Variants in GPC5 observed in about 807,000 individuals in gnomAD.
GPC5 encodes glypican 5.
In GPC5, 47 loss-of-function variants were observed where a neutral mutation model predicts 53.9. The observed-to-expected ratio is 0.87, with a 90% confidence interval of 0.69 to 1.11. GPC5 has a LOEUF of 1.11. Among genes scored for constraint, GPC5 ranks in the 50% most tolerant of loss-of-function variants. GPC5 has a pLI of 0.00. For missense variants in GPC5, 748 were observed against 713.1 expected (o/e 1.05, Z -0.56); for synonymous variants, 286 against 263.3 (o/e 1.09, Z -0.84).
intron 2 of GPC5, among the ~76,000 whole-genome samples, chr13:91,505,303 AAAAG>A (rs1318469189): frequency 2.0e-5 from 3 of 152,220 alleles, no homozygotes; most frequent in Non-Finnish European, 4.4e-5. Context: ...AAGAGAGAAA[AAAAG>A]AAAGACTCCA....
chr13:91,805,121 G>A (rs2038199801), intron 5 of GPC5, among the ~76,000 whole-genome samples: 1 of 152,136 alleles, frequency 6.6e-6, no homozygotes, highest in Non-Finnish European at 1.5e-5. Context: ...AACAATGACA[G>A]GATGGAGAGA....
At chr13:92,748,690 G>A (rs1015207992) in intron 7 of GPC5, among the ~76,000 whole-genome samples, 3 of 151,742 alleles carry the variant, frequency 2.0e-5, no homozygotes, top group Non-Finnish European at 4.4e-5. Flanking sequence ...GTTGTTTTTT[G>A]TTTAAAATAT....
chr13:92,472,963 A>G (rs535203965), intron 7 of GPC5, among the ~76,000 whole-genome samples: 41 of 152,122 alleles, frequency 2.7e-4, no homozygotes, highest in Non-Finnish European at 5.1e-4. Context: ...TGATACCTAG[A>G]TAATTCTGTT....
intron 7 of GPC5, among the ~76,000 whole-genome samples, chr13:92,794,751 G>A (rs1028952963): frequency 1.3e-5 from 2 of 152,068 alleles, no homozygotes; most frequent in Non-Finnish European, 2.9e-5. Context: ...CAGATAAACA[G>A]AGAACCAAAT....
intron 7 of GPC5, among the ~76,000 whole-genome samples, chr13:92,839,750 C>G (rs942441272): frequency 5.3e-5 from 8 of 151,960 alleles, no homozygotes; most frequent in African/African-American, 1.9e-4. Context: ...GCTAGCTAGA[C>G]TAATGAAGAA....
chr13:91,547,644 C>G (rs560693633), intron 2 of GPC5, among the ~76,000 whole-genome samples: 1 of 152,034 alleles, frequency 6.6e-6, no homozygotes, highest in Non-Finnish European at 1.5e-5. Context: ...TTCTATGAGG[C>G]TAGCTAGCAT....
intron 7 of GPC5, among the ~76,000 whole-genome samples, chr13:92,661,389 G>A (rs528835887): frequency 3.3e-5 from 5 of 151,136 alleles, no homozygotes; most frequent in African/African-American, 1.2e-4. Context: ...TCAACACTCA[G>A]TGTATAAATT....
At position 91,904,145 on chromosome 13, in the gene GPC5, T is replaced by TC. The variant is rs1279359318; in HGVS notation, c.1281-3792_1281-3791insC. On this transcript the variant is annotated intron_variant, in intron 5 of 7. Transcript: ENST00000377067. ...AGTTTTACTTTCTTTTCTTTCTTTT[T>TC]TTTTTTTTTTTTTTTTAAGGCAGGT... Among the ~76,000 whole-genome samples the TC allele has an allele frequency of 2.1e-5, 3 of 144,608 alleles. No homozygotes were observed. The South Asian group carries it at 6.6e-4, about 32-fold the overall frequency. The allele number at this position is 144,608 out of a possible 152,430, so 94.9% of individuals were successfully genotyped here. A position where few individuals can be genotyped will look rare whatever the true frequency, so the allele number is the denominator to read the frequency against.
intron 1 of GPC5, among the ~76,000 whole-genome samples, chr13:91,418,181 A>ATGAATGGT (rs1372187195): frequency 1.4e-4 from 22 of 152,236 alleles, no homozygotes; most frequent in African/African-American, 5.1e-4. Flanking sequence ...GTTTAGTACT[A>ATGAATGGT]TGAATGGTTT....
intron 7 of GPC5, among the ~76,000 whole-genome samples, chr13:92,367,102 T>C (rs61973562): frequency 0.011 from 1,605 of 152,198 alleles, 14 homozygotes; most frequent in Middle Eastern, 0.027. Context: ...TCTGCACTAG[T>C]AAGGCACACC....
chr13:91,498,239 A>ATTTTTTTTTT (rs60732957), intron 2 of GPC5, among the ~76,000 whole-genome samples: 2 of 110,234 alleles, frequency 1.8e-5, no homozygotes, highest in Admixed American at 1.0e-4. Context: ...CTACCCAAAG[A>ATTTTTTTTTT]TTTTTTTTTT....
At chr13:91,936,977 A>G (rs1320467679) in intron 6 of GPC5, among the ~76,000 whole-genome samples, 1 of 152,042 alleles carries the variant, frequency 6.6e-6, no homozygotes, top group Non-Finnish European at 1.5e-5. Flanking sequence ...CTTATCTCAT[A>G]TGCACAGTGG....
Position 92,023,694 on chromosome 13 carries a change from ACTCTCTCT to A in GPC5, c.1401+115644_1401+115651del, listed in dbSNP as rs5805724. Among the ~76,000 whole-genome samples, 440 of 147,908 alleles carry A rather than the reference ACTCTCTCT, an allele frequency of 3.0e-3. 5 individuals are homozygous for A. The Middle Eastern group carries it at 0.034, about 12-fold the overall frequency. On this transcript the variant is annotated intron_variant, in intron 6 of 7. Coordinates refer to ENST00000377067, the MANE Select transcript of GPC5 (RefSeq NM_004466.6). ...CACACACACACACACACACACACAC[ACTCTCTCT>A]CTCTCTTATAAATTTATTTTAGTCA...
chr13:92,700,833 C>CA (rs1043688495), intron 7 of GPC5, among the ~76,000 whole-genome samples: 3 of 151,854 alleles, frequency 2.0e-5, no homozygotes, highest in Non-Finnish European at 4.4e-5. Flanking sequence ...CTGATACATA[C>CA]AAAAAAGGGA....
At chr13:92,583,080 A>G (rs971527081) in intron 7 of GPC5, among the ~76,000 whole-genome samples, 1 of 152,220 alleles carries the variant, frequency 6.6e-6, no homozygotes, top group African/African-American at 2.4e-5. Context: ...TCACAGAGGA[A>G]AAGCTTTCAA....
chr13:91,774,022 T>G (rs769451883), intron 5 of GPC5, among the ~76,000 whole-genome samples: 1 of 152,204 alleles, frequency 6.6e-6, no homozygotes, highest in East Asian at 1.9e-4. Context: ...TCATTTTACT[T>G]GCAAATGCAT....
chr13:91,972,842 A>G (rs1201675307), intron 6 of GPC5, among the ~76,000 whole-genome samples: 1 of 152,196 alleles, frequency 6.6e-6, no homozygotes, highest in East Asian at 1.9e-4. Flanking sequence ...ATCCACTGTT[A>G]GTCTGATGGG....
intron 7 of GPC5, among the ~76,000 whole-genome samples, chr13:92,171,372 TAC>T (rs201984039): frequency 1.3e-5 from 2 of 151,584 alleles, no homozygotes; most frequent in Non-Finnish European, 2.9e-5. Context: ...ATAAATATAC[TAC>T]ACACACACAC....
intron 7 of GPC5, among the ~76,000 whole-genome samples, chr13:92,609,055 A>G (rs1280617129): frequency 6.6e-6 from 1 of 151,810 alleles, no homozygotes; most frequent in Non-Finnish European, 1.5e-5. Context: ...TCTTCCCCCA[A>G]CCCTCAAAAT....
Sources: gnomAD v4.1 joint callset for allele counts (sites outside exome capture counted in the v4.1 genomes callset) on GRCh38, gnomAD v4.1.1 for gene constraint, MANE v1.5 for transcripts, NCBI Gene and HGNC (gene_info 2026-07-23, HGNC 2026-07-21) for gene names.